The following PDE4C variants were observed in gnomAD, a reference collection of about 807,000 sequenced individuals.
The protein encoded by PDE4C is 3',5'-cyclic-AMP phosphodiesterase 4C.
In PDE4C, 50 loss-of-function variants were observed where a neutral mutation model predicts 63.9. The observed-to-expected ratio is 0.78, with a 90% CI of 0.62 to 0.99. PDE4C has a LOEUF of 0.99. Ranked by LOEUF, PDE4C falls within the 50% of genes least tolerant of loss-of-function variation. PDE4C has a pLI of 0.00. For synonymous variants in PDE4C, 377 were observed against 385.1 expected (o/e 0.98, Z 0.25); for missense variants, 777 against 899.1 (o/e 0.86, Z 1.74).
chr19:18,245,105 G>C (rs1413041252), intron 1 of PDE4C, among the ~76,000 whole-genome samples: 1 of 151,966 alleles, frequency 6.6e-6, no homozygotes, highest in Non-Finnish European at 1.5e-5. Flanking sequence ...AAAGTGCTGG[G>C]ATTACAAGCA....
rs761725311 is a variant in PDE4C at position 18,222,704 on chromosome 19, T to TTTC, written c.147-382_147-381insGAA. On this transcript the variant is annotated intron_variant, in intron 1 of 14. Coordinates refer to ENST00000262805, the Ensembl canonical transcript of PDE4C. ...CTCTCTCTCGCCCTTTCTTTTCTTT[T>TTTC]TTTTTTTTTTTTTTTGACAGGGCCC... Among the ~76,000 whole-genome samples the TTTC allele has an allele frequency of 9.1e-3, 1,223 of 134,032 alleles. 49 individuals carry two copies. The highest frequency in any genetic ancestry group is 0.015 in the Non-Finnish European group (917 of 62,570). The allele number at this position is 134,032 out of a possible 152,430, so 87.9% of individuals were successfully genotyped here. A position where few individuals can be genotyped will look rare whatever the true frequency, so the allele number is the denominator to read the frequency against.
At chr19:18,252,591 C>CCTCT (rs775813814), upstream of PDE4C, 1 of 354,526 alleles carries the variant, frequency 2.8e-6, no homozygotes, top group Non-Finnish European at 5.0e-6. Flanking sequence ...ATAGCGAGAC[C>CCTCT]CTCTCTCTCT....
chr19:18,251,107 T>C (rs1455569316), upstream of PDE4C, among the ~76,000 whole-genome samples: 1 of 148,682 alleles, frequency 6.7e-6, no homozygotes, highest in Non-Finnish European at 1.5e-5. Flanking sequence ...TCAATTACTT[T>C]ATTTATTTTT....
rs142188207 is a variant in PDE4C at position 18,247,449 on chromosome 19, A to G, written c.-210+722T>C. On this transcript the variant is annotated intron_variant, in intron 1 of 15. Transcript: ENST00000594617. Reference sequence around the variant, plus strand: ...AGCTGGACTACAGGCATGAGCCACCATGCCCAGCTAAGTTTTTTGTGTGTC... The same window carrying G: ...AGCTGGACTACAGGCATGAGCCACCGTGCCCAGCTAAGTTTTTTGTGTGTC... 1.4e-3 allele frequency among the ~76,000 whole-genome samples: 215 copies of G among 152,286 alleles called. 1 individual carries two copies. Among genetic ancestry groups the G allele is most frequent in the African/African-American group, 5.1e-3 (212 of 41,568 alleles).
At chr19:18,212,342 C>A (rs1967987937) in intron 13 of PDE4C, among the ~76,000 whole-genome samples, 1 of 151,940 alleles carries the variant, frequency 6.6e-6, no homozygotes, top group Non-Finnish European at 1.5e-5. Context: ...CGCCACCATG[C>A]CTGGCTAATT....
intron 13 of PDE4C, 120 bp from the exon 14 acceptor site, chr19:18,212,061 C>T (rs1199144472): frequency 3.1e-6 from 3 of 954,586 alleles, no homozygotes; most frequent in East Asian, 5.2e-5. Context: ...AAACTGAGGC[C>T]TGAGACCTGA....
At chr19:18,216,661 C>A in intron 12 of PDE4C, 80 bp downstream of exon 12, 1 of 1,397,786 alleles carries the variant, frequency 7.2e-7, no homozygotes, top group African/African-American at 1.4e-5. Context: ...GCCAATATCA[C>A]CCCACCCTGC....
upstream of PDE4C, among the ~76,000 whole-genome samples, chr19:18,252,720 C>G (rs1046454834): frequency 2.0e-5 from 3 of 151,994 alleles, no homozygotes; most frequent in African/African-American, 7.2e-5. Context: ...TGGGTACAAG[C>G]AATTCTCCTG....
At chr19:18,216,026 T>A (rs546256943) in intron 12 of PDE4C, among the ~76,000 whole-genome samples, 12 of 151,646 alleles carry the variant, frequency 7.9e-5, no homozygotes, top group African/African-American at 2.9e-4. Context: ...AACAGGGGTT[T>A]CACCATGTTG....
At chr19:18,229,355 C>T (rs1202020679), upstream of PDE4C, among the ~76,000 whole-genome samples, 1 of 152,166 alleles carries the variant, frequency 6.6e-6, no homozygotes, top group Non-Finnish European at 1.5e-5. Flanking sequence ...ATTCTCCTGC[C>T]TCAACCTCCC....
intron 1 of PDE4C, chr19:18,224,583 C>A: frequency 1.1e-6 from 1 of 900,366 alleles, no homozygotes; most frequent in Non-Finnish European, 1.3e-6. Flanking sequence ...TAAGTTCGAG[C>A]TTGTTCGCCT....
chr19:18,242,479 A>AG, intron 1 of PDE4C, among the ~76,000 whole-genome samples: 1 of 139,906 alleles, frequency 7.1e-6, no homozygotes, highest in Non-Finnish European at 1.6e-5. Context: ...CCATCTCAAA[A>AG]AAAAAAAAAA....
At chr19:18,218,099 G>T in intron 11 of PDE4C, 50 bp downstream of exon 11, 1 of 1,366,418 alleles carries the variant, frequency 7.3e-7, no homozygotes, top group Non-Finnish European at 1.0e-6. Flanking sequence ...TGGACAGGGT[G>T]GAGGCAGGGT....
At chr19:18,241,828 G>C (rs1315247318) in intron 1 of PDE4C, among the ~76,000 whole-genome samples, 1 of 152,194 alleles carries the variant, frequency 6.6e-6, no homozygotes, top group Non-Finnish European at 1.5e-5. Flanking sequence ...GGGATTCCAG[G>C]CTTGAGCCAT....
chr19:18,219,453 G>C (rs1351205810), intron 7 of PDE4C, 56 bp from the exon 8 acceptor site: 1 of 1,517,718 alleles, frequency 6.6e-7, no homozygotes, highest in African/African-American at 1.4e-5. Flanking sequence ...CTGGGGCCTG[G>C]CCTCAGGACC....
chr19:18,253,745 T>C, the PDE4C span, among the ~76,000 whole-genome samples: 1 of 152,094 alleles, frequency 6.6e-6, no homozygotes, highest in Non-Finnish European at 1.5e-5. Flanking sequence ...AACCCACCCT[T>C]CTACGTGTTG....
At chr19:18,222,632 C>G (rs1418634479) in intron 1 of PDE4C, among the ~76,000 whole-genome samples, 1 of 126,652 alleles carries the variant, frequency 7.9e-6, no homozygotes, top group African/African-American at 3.0e-5. Flanking sequence ...TTCTCTCTTT[C>G]TTTTTTTTTT....
At chr19:18,224,362 C>G in intron 1 of PDE4C, 1 of 985,470 alleles carries the variant, frequency 1.0e-6, no homozygotes, top group Non-Finnish European at 1.2e-6. Context: ...ACTTTTGGGT[C>G]AAAGGTCACC....
chr19:18,221,049 T>TCCGGCAGGCCCCGCCCCACC, intron 4 of PDE4C, 56 bp downstream of exon 4: 1 of 1,239,968 alleles, frequency 8.1e-7, no homozygotes, highest in Non-Finnish European at 1.1e-6. Context: ...CAGCCCGCTT[T>TCCGGCAGGCCCCGCCCCACC]CCGCCCACCT....
Sources: gnomAD v4.1 joint callset for allele counts (sites outside exome capture counted in the v4.1 genomes callset) on GRCh38, gnomAD v4.1.1 for gene constraint, MANE v1.5 for transcripts, NCBI Gene and HGNC (gene_info 2026-07-23, HGNC 2026-07-21) for gene names.